Variants in SLMAP observed in about 807,000 individuals in gnomAD.
SLMAP encodes the protein sarcolemmal membrane-associated protein.
A neutral mutation model predicts 128.8 loss-of-function variants in SLMAP; 44 were observed. The ratio of observed to expected loss-of-function variants is 0.34; its 90% CI spans 0.27 to 0.44. The LOEUF (loss-of-function observed/expected upper bound fraction) is 0.44. SLMAP is among the 20% of genes least tolerant of loss of function. The pLI, the probability that SLMAP is intolerant of heterozygous loss-of-function variation, is 1.00. For synonymous variants in SLMAP, 327 were observed against 348.8 expected (o/e 0.94, Z 0.70); for missense variants, 787 against 985.3 (o/e 0.80, Z 2.69).
intron 3 of SLMAP, among the ~76,000 whole-genome samples, chr3:57,840,290 G>T (rs1388913425): frequency 1.3e-5 from 2 of 152,220 alleles, no homozygotes; most frequent in Non-Finnish European, 2.9e-5. Flanking sequence ...GTTTTGTTGA[G>T]ATATAATTTA....
chr3:57,899,236 AAAGTACTCAC>A (rs2096310390), intron 17 of SLMAP: 1 of 152,222 alleles, frequency 6.6e-6, no homozygotes, highest in African/African-American at 2.4e-5. Flanking sequence ...AGTATCTATA[AAAGTACTCAC>A]AATATAGCCT....
At chr3:57,859,138 A>G (rs1443433314) in intron 8 of SLMAP, among the ~76,000 whole-genome samples, 2 of 152,098 alleles carry the variant, frequency 1.3e-5, no homozygotes, top group Non-Finnish European at 2.9e-5. Flanking sequence ...AGCGTGGCCA[A>G]CATGGCGAAA....
chr3:57,842,221 G>A (rs916088627), intron 4 of SLMAP, among the ~76,000 whole-genome samples: 4 of 152,138 alleles, frequency 2.6e-5, no homozygotes, highest in Admixed American at 1.3e-4. Context: ...ATTACTGTCC[G>A]TGCTTTCAGT....
chr3:57,830,248 T>A (rs1560145610), intron 2 of SLMAP, among the ~76,000 whole-genome samples: 1 of 152,194 alleles, frequency 6.6e-6, no homozygotes, highest in Non-Finnish European at 1.5e-5. Flanking sequence ...CCTCAAGTGA[T>A]CTGCCCGCCT....
chr3:57,857,918 C>CA, intron 7 of SLMAP, 90 bp downstream of exon 7: 1 of 1,011,630 alleles, frequency 9.9e-7, no homozygotes, highest in South Asian at 1.4e-5. Context: ...CAAACAAAGA[C>CA]AAAGTTATTT....
intron 17 of SLMAP, among the ~76,000 whole-genome samples, chr3:57,905,158 TAAG>T (rs2096495614): frequency 6.6e-6 from 1 of 152,264 alleles, no homozygotes. Context: ...TGGACAGACT[TAAG>T]AAGTGTGTGT....
At chr3:57,771,687 G>A (rs896184101) in intron 2 of SLMAP, among the ~76,000 whole-genome samples, 7 of 152,038 alleles carry the variant, frequency 4.6e-5, no homozygotes, top group Non-Finnish European at 1.0e-4. Context: ...CACTGTACTT[G>A]GCCTTATTTT....
chr3:57,789,101 T>C (rs17058541), intron 2 of SLMAP, among the ~76,000 whole-genome samples: 2,773 of 152,304 alleles, frequency 0.018, 74 homozygotes, highest in African/African-American at 0.063. Context: ...TCCAGATTAA[T>C]TTCTCAATAG....
chr3:57,840,064 A>G (rs958467050), intron 3 of SLMAP, among the ~76,000 whole-genome samples: 6 of 151,302 alleles, frequency 4.0e-5, no homozygotes, highest in Non-Finnish European at 8.8e-5. Flanking sequence ...CAGGTGATCC[A>G]CCTGCCTCGG....
At chr3:57,808,014 C>T (rs1485717260) in intron 2 of SLMAP, among the ~76,000 whole-genome samples, 1 of 151,926 alleles carries the variant, frequency 6.6e-6, no homozygotes, top group African/African-American at 2.4e-5. Flanking sequence ...TGTATGTGTC[C>T]AGGACTTTAT....
chr3:57,862,335 A>G (rs2095113455), intron 10 of SLMAP, among the ~76,000 whole-genome samples: 1 of 151,766 alleles, frequency 6.6e-6, no homozygotes. Context: ...AAACAAACAA[A>G]CAAACAAACA....
At chr3:57,890,208 T>G in intron 15 of SLMAP, 108 bp downstream of exon 15, 2 of 982,066 alleles carry the variant, frequency 2.0e-6, no homozygotes, top group South Asian at 1.6e-5. Context: ...TTCTTATAGC[T>G]CACAAAATAG....
rs951834351 is a variant in SLMAP, at chr3:57,865,106, C to T, written c.1187-136C>T. Reference sequence around the variant, plus strand: ...TCGGGATATTTAAATAAGAAAAGTACATGAACAGCAGGATCCCTTTTAAAG... The same window carrying T: ...TCGGGATATTTAAATAAGAAAAGTATATGAACAGCAGGATCCCTTTTAAAG... On this transcript the variant is annotated intron_variant, in intron 12 of 24. Transcript: ENST00000671191. The T allele has an allele frequency of 2.0e-5, 12 of 601,574 alleles. No individual in the cohort carries two copies. In the Admixed American group the frequency reaches 3.2e-4, roughly 16 times the overall value. 37.3% of individuals were successfully genotyped at this position (601,574 alleles called of 1,614,324 possible).
chr3:57,871,519 G>A, intron 13 of SLMAP, 117 bp from the exon 14 acceptor site: 1 of 698,668 alleles, frequency 1.4e-6, no homozygotes, highest in Non-Finnish European at 2.5e-6. Context: ...AATATATTAA[G>A]CCTTTATTAG....
intron 3 of SLMAP, among the ~76,000 whole-genome samples, chr3:57,835,170 T>TGGCTCCC (rs2093574359): frequency 7.1e-6 from 1 of 141,638 alleles, no homozygotes; most frequent in Non-Finnish European, 1.5e-5. Context: ...CCAGACACAG[T>TGGCTCCC]GGCTCCCACC....
Position 57,907,893 on chromosome 3 carries a change from A to G in SLMAP, c.1511A>G (p.Gln504Arg), listed in dbSNP as rs1441083531. 6.2e-7 allele frequency: 1 copy of G among 1,613,202 alleles called. No individual in the cohort carries two copies. Among genetic ancestry groups the G allele is most frequent in the Admixed American group, 1.7e-5 (1 of 59,918 alleles). ...AKVSLLKDDL[Q>R]GAQSEIEAKQ... is the part of the protein sequence containing the mutation. ...AACATGTTTTTGTCAGATGACTTGC[A>G]GGGTGCACAGTCAGAAATTGAGGCA... Residue 504 changes from glutamine to arginine, a missense_variant, in exon 18 of 25, where the codon CAG becomes CGG. This residue lies in a region of SLMAP where 715 missense variants were observed against 843.6 expected (regional missense o/e 0.85). Coordinates refer to ENST00000671191, the MANE Select transcript of SLMAP (RefSeq NM_001377540.1).
intron 23 of SLMAP, 50 bp from the exon 24 acceptor site, chr3:57,925,795 T>C (rs763756455): frequency 2.2e-6 from 3 of 1,333,786 alleles, no homozygotes; most frequent in African/African-American, 1.5e-5. Context: ...TCCTCTTATC[T>C]GATTACTTTC....
At position 57,896,945 on chromosome 3, in the gene SLMAP, G is replaced by A. The variant is rs2096257986; in HGVS notation, c.1501+13G>A. The A allele has an allele frequency of 1.2e-6, 2 of 1,613,006 alleles. No individual in the cohort carries two copies. Among genetic ancestry groups the A allele is most frequent in the African/African-American group, 2.7e-5 (2 of 74,864 alleles). ...TCCCTTTTAAAAGGTACTTTAACAT[G>A]TTTTTATGACATCGTAAACCAGGGT... On this transcript the variant is annotated intron_variant, in intron 17 of 24. Transcript: ENST00000671191.
chr3:57,909,076 C>G lies in SLMAP; in HGVS notation c.1625C>G (p.Ala542Gly). ...ATAGATACTGTGTTTTTACTTTTAG[C>G]TCTTTTGGAAGAAGAAAGAAAAGCC... The part of the protein sequence containing the change: ...TSKQKCFELQ[A>G]LLEEERKAYR... Residue 542 changes from alanine (A) to glycine (G), a missense_variant and splice_region_variant, in exon 19 of 25, where the codon GCT becomes GGT. Around this residue, in one of 2 missense-constraint regions of SLMAP, gnomAD observed 715 missense variants for 843.6 expected, o/e 0.85. Transcript: ENST00000671191. The G allele has an allele frequency of 1.2e-6, 2 of 1,601,740 alleles. No homozygotes were observed. Among genetic ancestry groups the G allele is most frequent in the South Asian group, 2.2e-5 (2 of 90,006 alleles).
Sources: allele counts gnomAD v4.1 joint callset (sites outside exome capture counted in the v4.1 genomes callset), GRCh38; gene constraint gnomAD v4.1.1; regional missense constraint gnomAD v4.1.1; transcripts MANE v1.5; gene names NCBI Gene and HGNC (gene_info 2026-07-23, HGNC 2026-07-21).